FNDC3B: variants seen among roughly 807,000 people sequenced by gnomAD.
FNDC3B encodes the protein fibronectin type III domain containing 3B, also known as fibronectin type III domain-containing protein 3B.
A neutral mutation model predicts 151.5 loss-of-function variants in FNDC3B; 12 were observed. That is an observed-to-expected ratio of 0.08 (90% confidence interval 0.05 to 0.13). The LOEUF is 0.13. Ranked by LOEUF, FNDC3B falls within the 10% of genes least tolerant of loss-of-function variation. The pLI is 1.00. For missense variants in FNDC3B, 1,214 were observed against 1,505.3 expected, an observed-to-expected ratio of 0.81 and a Z score of 3.20; for synonymous variants, 528 against 549.0, an observed-to-expected ratio of 0.96 and a Z score of 0.54.
chr3:172,114,297 A>G (rs1411084494), intron 2 of FNDC3B, among the ~76,000 whole-genome samples: 2 of 152,232 alleles, frequency 1.3e-5, no homozygotes, highest in East Asian at 1.9e-4. Flanking sequence ...TGGTCTCCCA[A>G]TTAAAAGAAT....
Position 172,196,244 on chromosome 3 carries a change from A to G in FNDC3B, c.188-30627A>G, listed in dbSNP as rs1218244346. On this transcript the variant is annotated intron_variant, in intron 3 of 25. Coordinates refer to ENST00000415807, the MANE Select transcript of FNDC3B (RefSeq NM_022763.4). ...GCTCTGTTGCCCAGGCTGGAATTCAATGGTGTAATCATAGTTCATTGCAGC... is the reference window on the plus strand; with the variant it reads ...GCTCTGTTGCCCAGGCTGGAATTCAGTGGTGTAATCATAGTTCATTGCAGC... 3.3e-5 allele frequency among the ~76,000 whole-genome samples: 5 copies of G among 152,260 alleles called. No homozygotes were observed. The East Asian group carries it at 5.8e-4, about 18-fold the overall frequency.
chr3:172,106,874 G>C (rs867117330), intron 1 of FNDC3B, among the ~76,000 whole-genome samples: 1 of 152,162 alleles, frequency 6.6e-6, no homozygotes, highest in Admixed American at 6.5e-5. Flanking sequence ...GAATAAGCTA[G>C]TTGCCTAGAG....
chr3:172,279,918 G>GTTGTTGTTT (rs1282555006), intron 6 of FNDC3B, among the ~76,000 whole-genome samples: 1 of 151,482 alleles, frequency 6.6e-6, no homozygotes, highest in East Asian at 1.9e-4. Flanking sequence ...TGTTGTTGTT[G>GTTGTTGTTT]TTGTTGTTTG....
At chr3:172,296,723 C>T (rs1373488478) in intron 8 of FNDC3B, among the ~76,000 whole-genome samples, 1 of 152,176 alleles carries the variant, frequency 6.6e-6, no homozygotes, top group African/African-American at 2.4e-5. Context: ...CCATGCCTGG[C>T]AAGGAACAGA....
intron 3 of FNDC3B, among the ~76,000 whole-genome samples, chr3:172,199,186 ATTTTTTT>A (rs59302352): frequency 1.6e-5 from 2 of 128,220 alleles, no homozygotes; most frequent in Non-Finnish European, 3.4e-5. Context: ...TTTATTTTTT[ATTTTTTT>A]TTTTTTGAGA....
chr3:172,352,826 G>T lies in FNDC3B; in HGVS notation c.2538G>T (p.Gly846=), dbSNP rs145339887. Residue 846 remains glycine, a synonymous_variant, in exon 22 of 26, where the codon GGG becomes GGT. Transcript: ENST00000415807. The surrounding 1 kb of genome is among the most constrained non-coding windows in gnomAD (Gnocchi z 4.2). ...RLQAFNQAGA[G]PYSELVLCQT... Reference sequence around the variant, plus strand: ...AGGCCTTCAATCAAGCAGGGGCAGGGCCGTACAGTGAACTTGTCCTTTGCC... The same window carrying T: ...AGGCCTTCAATCAAGCAGGGGCAGGTCCGTACAGTGAACTTGTCCTTTGCC... The T allele has an allele frequency of 1.5e-5, 24 of 1,613,870 alleles. No individual in the cohort carries two copies. Among genetic ancestry groups the T allele is most frequent in the Non-Finnish European group, 1.9e-5 (22 of 1,180,026 alleles).
chr3:172,110,496 A>G (rs1719904173), intron 1 of FNDC3B, among the ~76,000 whole-genome samples: 1 of 152,080 alleles, frequency 6.6e-6, no homozygotes. Context: ...AGAAGGACCT[A>G]TGGAGGCTGA....
At chr3:172,271,511 T>A (rs1729199466) in intron 6 of FNDC3B, among the ~76,000 whole-genome samples, 1 of 152,236 alleles carries the variant, frequency 6.6e-6, no homozygotes, top group African/African-American at 2.4e-5. Context: ...CAGAATGGTT[T>A]ATGCGCTCTT....
chr3:172,324,492 C>G (rs74404022), intron 11 of FNDC3B, among the ~76,000 whole-genome samples: 217 of 152,316 alleles, frequency 1.4e-3, no homozygotes, highest in Non-Finnish European at 2.5e-3. Flanking sequence ...CGTCATCCTG[C>G]GCCAGATTGA....
intron 4 of FNDC3B, among the ~76,000 whole-genome samples, chr3:172,243,172 A>G (rs1355886391): frequency 6.6e-6 from 1 of 152,180 alleles, no homozygotes; most frequent in Non-Finnish European, 1.5e-5. Flanking sequence ...GTCTCTAGGG[A>G]GTTCCAGACT....
At chr3:172,218,633 A>G (rs1342083755) in intron 3 of FNDC3B, among the ~76,000 whole-genome samples, 1 of 152,222 alleles carries the variant, frequency 6.6e-6, no homozygotes, top group East Asian at 1.9e-4. Context: ...TATGCATTAC[A>G]TCTTCCAGTC....
intron 1 of FNDC3B, among the ~76,000 whole-genome samples, chr3:172,070,442 C>G (rs1181282325): frequency 6.6e-6 from 1 of 152,030 alleles, no homozygotes; most frequent in Non-Finnish European, 1.5e-5. Flanking sequence ...AAGAGATAAA[C>G]AAGATCCAAA....
intron 3 of FNDC3B, among the ~76,000 whole-genome samples, chr3:172,222,815 G>A (rs1471314752): frequency 3.3e-5 from 5 of 152,296 alleles, no homozygotes; most frequent in South Asian, 2.1e-4. Flanking sequence ...GGGATTGGGC[G>A]CCCCTGCTCT....
chr3:172,368,188 T>C (rs1206833297), intron 23 of FNDC3B, among the ~76,000 whole-genome samples: 5 of 151,650 alleles, frequency 3.3e-5, no homozygotes, highest in Admixed American at 2.0e-4. Flanking sequence ...GAGGATCCCT[T>C]GAACCTAGGA....
chr3:172,173,854 G>C (rs530481276), intron 3 of FNDC3B, among the ~76,000 whole-genome samples: 2 of 151,936 alleles, frequency 1.3e-5, no homozygotes, highest in African/African-American at 4.8e-5. Context: ...GAAGCCTCCC[G>C]ATGTCCTAGG....
At position 172,053,235 on chromosome 3, in the gene FNDC3B, G is replaced by A. The variant is rs139223760; in HGVS notation, c.-29+13464G>A. Among the ~76,000 whole-genome samples the A allele has an allele frequency of 8.8e-3, 1,333 of 152,190 alleles. 22 individuals carry two copies. The highest frequency in any genetic ancestry group is 0.031 in the African/African-American group (1,271 of 41,530). ...GTACATATTGAGTGCCCCCATAAGTGTTTATTGAGTGAATCAAAGATGAGA... is the reference window on the plus strand; with the variant it reads ...GTACATATTGAGTGCCCCCATAAGTATTTATTGAGTGAATCAAAGATGAGA... On this transcript the variant is annotated intron_variant, in intron 1 of 25. Transcript: ENST00000415807.
intron 6 of FNDC3B, among the ~76,000 whole-genome samples, chr3:172,257,571 C>T (rs1259561188): frequency 9.5e-5 from 2 of 21,126 alleles, no homozygotes; most frequent in African/African-American, 2.5e-3. Context: ...CGCATTCATA[C>T]ACACACACAC....
chr3:172,218,622 A>G (rs1227084148), intron 3 of FNDC3B, among the ~76,000 whole-genome samples: 3 of 152,208 alleles, frequency 2.0e-5, no homozygotes, highest in Non-Finnish European at 4.4e-5. Context: ...TAGGTACTTT[A>G]TATGCATTAC....
chr3:172,363,135 T>C (rs929604798), intron 23 of FNDC3B, among the ~76,000 whole-genome samples: 25 of 152,166 alleles, frequency 1.6e-4, no homozygotes, highest in African/African-American at 6.0e-4. Context: ...AATTGTCAAA[T>C]TCAAGTTCAC....
Sources: gnomAD v4.1 joint callset for allele counts (sites outside exome capture counted in the v4.1 genomes callset) on GRCh38, gnomAD v4.1.1 for gene constraint, Gnocchi (gnomAD v3.1) non-coding constraint, MANE v1.5 for transcripts, NCBI Gene and HGNC (gene_info 2026-07-23, HGNC 2026-07-21) for gene names.